The following NOTCH3 variants were observed in gnomAD, a reference collection of about 807,000 sequenced individuals.
NOTCH3 encodes notch receptor 3.
Under a neutral mutation model 213.3 loss-of-function variants are expected in NOTCH3, and 86 were observed. The observed-to-expected ratio is 0.40, with a 90% confidence interval of 0.34 to 0.48. NOTCH3 has a LOEUF of 0.48. NOTCH3 is among the 20% of genes least tolerant of loss of function. The pLI is 0.57. For synonymous variants in NOTCH3, 1,354 were observed against 1,355.9 expected, an observed-to-expected ratio of 1.00 and a Z score of 0.03; for missense variants, 2,783 against 3,272.6, an observed-to-expected ratio of 0.85 and a Z score of 3.65.
chr19:15,190,986 G>A (rs531241656), intron 6 of NOTCH3, among the ~76,000 whole-genome samples: 3 of 152,148 alleles, frequency 2.0e-5, no homozygotes, highest in Admixed American at 2.0e-4. Context: ...CTCCCAAAGT[G>A]CTGGGATTAC....
rs182111655 is a variant in NOTCH3, at chr19:15,160,658, C to T, written c.*4G>A. On this transcript the variant is annotated 3_prime_UTR_variant, in exon 33 of 33. Transcript: ENST00000263388. ...CCCCCAAGATCTAAGAACTGACGAG[C>T]GTCTCAGGCCAACACTTGCCTCTTG... is the stretch of plus-strand genomic sequence containing the variant. 956 of 1,611,654 alleles carry T rather than the reference C, an allele frequency of 5.9e-4. 6 individuals carry two copies. The African/African-American group carries it at 0.012, about 20-fold the overall frequency.
chr19:15,192,640 A>T, intron 2 of NOTCH3, 121 bp from the exon 3 acceptor site: 1 of 1,384,056 alleles, frequency 7.2e-7, no homozygotes, highest in South Asian at 1.3e-5. Context: ...ATTTGCTGGG[A>T]GCAGTGGCTC....
rs1318567435 is a variant in NOTCH3, at chr19:15,173,069, T to TCTTCCTCTTCC, written c.4736+998_4736+999insGGAAGAGGAAG. On this transcript the variant is annotated intron_variant, in intron 25 of 32. Coordinates refer to ENST00000263388, the MANE Select transcript of NOTCH3 (RefSeq NM_000435.3). ...TCCCTCCTCCCTCTTCTTCTTCTTCTTCTTCTTCTTCTTCTTCTTCTTCTT... is the reference window on the plus strand; with the variant it reads ...TCCCTCCTCCCTCTTCTTCTTCTTCTCTTCCTCTTCCTCTTCTTCTTCTTCTTCTTCTTCTT... Among the ~76,000 whole-genome samples the TCTTCCTCTTCC allele has an allele frequency of 2.0e-3, 27 of 13,310 alleles. 2 individuals carry two copies. The highest frequency in any genetic ancestry group is 2.0e-3 in the Non-Finnish European group (17 of 8,682). 8.7% of individuals were successfully genotyped at this position (13,310 alleles called of 152,430 possible). A position where few individuals can be genotyped will look rare whatever the true frequency, so the allele number is the denominator to read the frequency against.
At position 15,179,636 on chromosome 19, in the gene NOTCH3, C is replaced by G. The variant is rs148270491; in HGVS notation, c.3328-140G>C. On this transcript the variant is annotated intron_variant, in intron 20 of 32. Transcript: ENST00000263388. The stretch of plus-strand genomic sequence containing the variant: ...GCACTACCAGTAGGTAATCCCAGCA[C>G]TTTGGGAGGCCGAGGTGGGCAGATC... The G allele has an allele frequency of 1.5e-5, 14 of 914,990 alleles. No homozygotes were observed. The African/African-American group carries it at 2.0e-4, about 13-fold the overall frequency. The allele number at this position is 914,990 out of a possible 1,614,324, so 56.7% of individuals were successfully genotyped here.
At chr19:15,169,212 CTCTCTCTCTCTCT>C (rs2046710494) in intron 28 of NOTCH3, among the ~76,000 whole-genome samples, 1 of 150,122 alleles carries the variant, frequency 6.7e-6, no homozygotes, top group Non-Finnish European at 1.5e-5. Flanking sequence ...CTCTCTCTCT[CTCTCTCTCTCTCT>C]CTCTCCCCTC....
chr19:15,180,670 C>G lies in NOTCH3; in HGVS notation c.3142+11G>C. 2.6e-6 allele frequency: 4 copies of G among 1,549,052 alleles called. No homozygotes were observed. Among genetic ancestry groups the G allele is most frequent in the Non-Finnish European group, 3.5e-6 (4 of 1,148,936 alleles). On this transcript the variant is annotated intron_variant, in intron 19 of 32. Transcript: ENST00000263388. ...AAGGCCCCACACGCCCGCCCACATG[C>G]TCCCACTCACCGATCTGGGCTGCGG...
intron 2 of NOTCH3, 152 bp from the exon 3 acceptor site, chr19:15,192,671 T>TC: frequency 8.6e-7 from 1 of 1,163,626 alleles, no homozygotes; most frequent in Non-Finnish European, 1.2e-6. Flanking sequence ...TCCCAGAACT[T>TC]TGGGAGGCTG....
At position 15,166,081 on chromosome 19, in the gene NOTCH3, G is replaced by T; in HGVS notation, c.5373C>A (p.Thr1791=). 1 of 1,614,100 alleles carries T rather than the reference G, an allele frequency of 6.2e-7. No homozygotes were observed. The highest frequency in any genetic ancestry group is 8.5e-7 in the Non-Finnish European group (1 of 1,179,970). The stretch of plus-strand genomic sequence containing the variant: ...CACAGAAGGAAGCCAGCATTAGCGG[G>T]GTGAAGCCATCTGCAGGGACAGGAG... ...DVNVRGPDGF[T]PLMLASFCGG... Residue 1791 remains threonine, a synonymous_variant, in exon 30 of 33, where the codon ACC becomes ACA. Coordinates refer to ENST00000263388, the MANE Select transcript of NOTCH3 (RefSeq NM_000435.3).
intron 25 of NOTCH3, among the ~76,000 whole-genome samples, chr19:15,173,549 C>CT (rs1477597382): frequency 1.3e-5 from 2 of 151,644 alleles, no homozygotes; most frequent in African/African-American, 4.8e-5. Flanking sequence ...TTGTGCCCGG[C>CT]TTTATCTTCT....
chr19:15,196,169 G>A (rs538503058), intron 2 of NOTCH3, among the ~76,000 whole-genome samples: 1 of 152,066 alleles, frequency 6.6e-6, no homozygotes, highest in South Asian at 2.1e-4. Flanking sequence ...CACTCCGGGC[G>A]ATCCGGGCTC....
chr19:15,165,510 G>T lies in NOTCH3; in HGVS notation c.5673C>A (p.Leu1891=). 6.2e-7 allele frequency: 1 copy of T among 1,611,804 alleles called. No individual in the cohort carries two copies. The highest frequency in any genetic ancestry group is 8.5e-7 in the Non-Finnish European group (1 of 1,179,984). Residue 1891 remains leucine (L), a synonymous_variant, in exon 31 of 33, where the codon CTC becomes CTA. Coordinates refer to ENST00000263388, the MANE Select transcript of NOTCH3 (RefSeq NM_000435.3). The surrounding 1 kb of genome is among the most constrained non-coding windows in gnomAD (Gnocchi z 4.7). The part of the protein sequence containing the change: ...TADAQGVFQI[L]IRNRSTDLDA... The stretch of plus-strand genomic sequence containing the variant: ...CCAAGTCTGTAGAGCGGTTTCGGAT[G>T]AGAATCTAGGACAGAGAGTGGATGC...
chr19:15,198,148 T>C (rs1462848270), intron 1 of NOTCH3, among the ~76,000 whole-genome samples: 1 of 152,136 alleles, frequency 6.6e-6, no homozygotes, highest in African/African-American at 2.4e-5. Context: ...ATAGGGTGTG[T>C]GTTGAAGGGA....
At chr19:15,180,595 A>T (rs1279029846) in intron 19 of NOTCH3, 86 bp downstream of exon 19, 2 of 1,465,426 alleles carry the variant, frequency 1.4e-6, no homozygotes, top group Non-Finnish European at 1.8e-6. Flanking sequence ...GCTCTGTGGC[A>T]CCCCCATTCG....
In NOTCH3 at chr19:15,184,877, G is replaced by A. The variant is rs1202346546; in HGVS notation, c.2410+29C>T. 1.3e-5 allele frequency: 16 copies of A among 1,232,814 alleles called. No homozygotes were observed. The African/African-American group carries it at 1.8e-4, about 14-fold the overall frequency. The allele number at this position is 1,232,814 out of a possible 1,614,324, so 76.4% of individuals were successfully genotyped here. A position where few individuals can be genotyped will look rare whatever the true frequency, so the allele number is the denominator to read the frequency against. On this transcript the variant is annotated intron_variant, in intron 15 of 32. Coordinates refer to ENST00000263388, the MANE Select transcript of NOTCH3 (RefSeq NM_000435.3). ...GGGTAGGGGGCAGAGGAGATGGAGAGGAGGAGGGAAGAGAAGCAGGTGGCA... is the reference window on the plus strand; with the variant it reads ...GGGTAGGGGGCAGAGGAGATGGAGAAGAGGAGGGAAGAGAAGCAGGTGGCA...
intron 24 of NOTCH3, 79 bp from the exon 25 acceptor site, chr19:15,174,479 A>G: frequency 5.8e-6 from 6 of 1,039,886 alleles, no homozygotes; most frequent in Non-Finnish European, 8.3e-6. Context: ...TTCACACCGT[A>G]GAGTACAGAG....
In NOTCH3 at chr19:15,188,969, A is replaced by G; in HGVS notation, c.1378+20T>C. ...CCGCCCCCTGCCTCAGGACCCGCCC[A>G]GGCCACGCCCACCACCCACCTGCCA... On this transcript the variant is annotated intron_variant, in intron 8 of 32. Transcript: ENST00000263388. 1 of 1,603,392 alleles carries G rather than the reference A, an allele frequency of 6.2e-7. No homozygotes were observed. Among genetic ancestry groups the G allele is most frequent in the Non-Finnish European group, 8.5e-7 (1 of 1,175,518 alleles).
chr19:15,181,559 G>A lies in NOTCH3; in HGVS notation c.2792+17C>T, dbSNP rs2046841586. The A allele has an allele frequency of 6.5e-7, 1 of 1,546,830 alleles. No individual in the cohort carries two copies. Among genetic ancestry groups the A allele is most frequent in the Admixed American group, 2.0e-5 (1 of 50,962 alleles). The stretch of plus-strand genomic sequence containing the variant: ...CCAAGCCAGAGTCCCTGCTCTCCAA[G>A]CAGAGGCCCCGCCCACCTGGGGCTG... On this transcript the variant is annotated intron_variant, in intron 17 of 32. Transcript: ENST00000263388.
intron 25 of NOTCH3, among the ~76,000 whole-genome samples, chr19:15,173,059 CTT>C (rs2046749936): frequency 3.7e-4 from 1 of 2,728 alleles, no homozygotes; most frequent in African/African-American, 5.2e-3. Context: ...CCTCCCTCTT[CTT>C]CTTCTTCTTC....
Position 15,170,074 on chromosome 19 carries a change from G to C in NOTCH3, c.5199+12C>G, listed in dbSNP as rs749152224. On this transcript the variant is annotated intron_variant, in intron 28 of 32. Transcript: ENST00000263388. ...TCAGAGGAGGGGGCAAAGGTCAGAG[G>C]GGGGGCAGTACCTTTAGCCGCTTGG... 7.8e-6 allele frequency: 12 copies of C among 1,536,748 alleles called. No individual in the cohort carries two copies. Among genetic ancestry groups the C allele is most frequent in the East Asian group, 2.3e-5 (1 of 43,366 alleles).
Sources: allele counts gnomAD v4.1 joint callset (sites outside exome capture counted in the v4.1 genomes callset), GRCh38; gene constraint gnomAD v4.1.1; non-coding constraint Gnocchi (gnomAD v3.1); transcripts MANE v1.5; gene names NCBI Gene and HGNC (gene_info 2026-07-23, HGNC 2026-07-21).